The following BASP1 variants were observed in gnomAD, a reference collection of about 807,000 sequenced individuals.
The protein encoded by BASP1 is brain acid soluble protein 1.
A neutral mutation model predicts 2.2 loss-of-function variants in BASP1; 1 was observed. The observed-to-expected ratio is 0.46, with a 90% CI of 0.16 to 2.17. BASP1 has a LOEUF of 2.17. Ranked by LOEUF, BASP1 falls within the 30% of genes most tolerant of loss-of-function variation. BASP1 has a pLI of 0.27. For synonymous variants in BASP1, 187 were observed against 154.2 expected (o/e 1.21, Z -1.58); for missense variants, 352 against 327.2 (o/e 1.08, Z -0.58).
At chr5:17,256,496 GT>G (rs1335711201) in intron 1 of BASP1, among the ~76,000 whole-genome samples, 2 of 152,282 alleles carry the variant, frequency 1.3e-5, no homozygotes, top group East Asian at 1.9e-4. Flanking sequence ...ATAGAATCTA[GT>G]TGTGTGTATA....
intron 1 of BASP1, among the ~76,000 whole-genome samples, chr5:17,245,581 T>A (rs1385269430): frequency 6.6e-6 from 1 of 152,076 alleles, no homozygotes; most frequent in African/African-American, 2.4e-5. Context: ...CAATTTAATA[T>A]GAGATTAATG....
chr5:17,230,221 G>T (rs546563420), intron 1 of BASP1, among the ~76,000 whole-genome samples: 1 of 152,270 alleles, frequency 6.6e-6, no homozygotes, highest in Admixed American at 6.5e-5. Flanking sequence ...TTCTTTTAGG[G>T]ATTCATTAGA....
chr5:17,246,779 A>G (rs1445256375), intron 1 of BASP1, among the ~76,000 whole-genome samples: 1 of 152,192 alleles, frequency 6.6e-6, no homozygotes, highest in Non-Finnish European at 1.5e-5. Flanking sequence ...CCTTCTGTGG[A>G]AAGTCTTTTT....
chr5:17,251,269 T>C lies in BASP1; in HGVS notation c.-9-23939T>C, dbSNP rs1740097277. 6.6e-6 allele frequency among the ~76,000 whole-genome samples: 1 copy of C among 152,182 alleles called. No individual in the cohort carries two copies. The highest frequency in any genetic ancestry group is 6.5e-5 in the Admixed American group (1 of 15,272). ...TTTATCATTACACATTGTATACAAG[T>C]ATCAAAATATCACATGTACCCCCAA... On this transcript the variant is annotated intron_variant, in intron 1 of 1. Transcript: ENST00000322611. The surrounding 1 kb of genome is among the most constrained non-coding windows in gnomAD (Gnocchi z 4.0).
intron 1 of BASP1, among the ~76,000 whole-genome samples, chr5:17,246,770 C>T (rs1363940268): frequency 6.6e-6 from 1 of 152,194 alleles, no homozygotes; most frequent in Non-Finnish European, 1.5e-5. Flanking sequence ...TTTACAAATC[C>T]TTCTGTGGAA....
In BASP1 at chr5:17,276,190, A is replaced by T. The variant is rs1740658404; in HGVS notation, c.*290A>T. ...AGTCAACTTTACCAAGAAGTCCTGG[A>T]TTTCCAAGATCCGCGTCTGAAAGTG... On this transcript the variant is annotated 3_prime_UTR_variant, in exon 2 of 2. Transcript: ENST00000322611. The T allele has an allele frequency of 3.7e-6, 1 of 267,604 alleles. No homozygotes were observed. Among genetic ancestry groups the T allele is most frequent in the Non-Finnish European group, 7.5e-6 (1 of 134,210 alleles). 16.6% of individuals were successfully genotyped at this position (267,604 alleles called of 1,614,324 possible).
chr5:17,250,840 G>A (rs1450003367), intron 1 of BASP1, among the ~76,000 whole-genome samples: 2 of 152,162 alleles, frequency 1.3e-5, no homozygotes, highest in East Asian at 1.9e-4. Context: ...TACTGACCTC[G>A]TGATCCGCCC....
chr5:17,268,018 T>G (rs1740451739), intron 1 of BASP1, among the ~76,000 whole-genome samples: 2 of 152,124 alleles, frequency 1.3e-5, no homozygotes, highest in South Asian at 4.1e-4. Context: ...TAATACCACT[T>G]GTTTCTTTAT....
chr5:17,228,762 G>A (rs752627249), intron 1 of BASP1, among the ~76,000 whole-genome samples: 1 of 152,172 alleles, frequency 6.6e-6, no homozygotes, highest in African/African-American at 2.4e-5. Context: ...CTTTAGATCC[G>A]TAGTTCCTAC....
intron 1 of BASP1, among the ~76,000 whole-genome samples, chr5:17,239,959 A>G (rs1008356611): frequency 2.6e-5 from 4 of 152,032 alleles, no homozygotes; most frequent in Admixed American, 2.6e-4. Flanking sequence ...ACCCTATGCT[A>G]TGGTTTGAAT....
At chr5:17,248,674 C>T (rs979694767) in intron 1 of BASP1, among the ~76,000 whole-genome samples, 3 of 152,036 alleles carry the variant, frequency 2.0e-5, no homozygotes, top group African/African-American at 7.3e-5. Context: ...GAATGATGTC[C>T]CCTGTAGAAT....
At position 17,275,535 on chromosome 5, in the gene BASP1, G is replaced by A; in HGVS notation, c.319G>A (p.Glu107Lys). The A allele has an allele frequency of 7.0e-7, 1 of 1,421,384 alleles. No homozygotes were observed. The highest frequency in any genetic ancestry group is 9.2e-7 in the Non-Finnish European group (1 of 1,092,620). The allele number at this position is 1,421,384 out of a possible 1,614,324, so 88.0% of individuals were successfully genotyped here. A position where few individuals can be genotyped will look rare whatever the true frequency, so the allele number is the denominator to read the frequency against. Residue 107 changes from glutamate (E) to lysine (K), a missense_variant, in exon 2 of 2, where the codon GAG (glutamate) becomes AAG (lysine). By Grantham distance (56) the Glu-to-Lys change is moderately conservative. Coordinates refer to ENST00000322611, the MANE Select transcript of BASP1 (RefSeq NM_006317.5). The surrounding 1 kb of genome is among the most constrained non-coding windows in gnomAD (Gnocchi z 5.3). ...TGAGCCCCCGAAGGCGCCCGAGCAG[G>A]AGCAGGCGGCCCCCGGCCCCGCTGC... Reference protein sequence around the residue: ...KAEPPKAPEQEQAAPGPAAGG... With the variant: ...KAEPPKAPEQKQAAPGPAAGG...
intron 1 of BASP1, among the ~76,000 whole-genome samples, chr5:17,224,651 T>C (rs1739458785): frequency 6.6e-6 from 1 of 152,240 alleles, no homozygotes; most frequent in Non-Finnish European, 1.5e-5. Flanking sequence ...CTTCTTGTCA[T>C]AGTGAATGGA....
chr5:17,275,949 CTCT>C lies in BASP1; in HGVS notation c.*50_*52del. ...AATACCACTTAAAACAATCTCCTCT[CTCT>C]CTCTCTCTCTCTCTCTCTATCTCTC... On this transcript the variant is annotated 3_prime_UTR_variant, in exon 2 of 2. Transcript: ENST00000322611. The surrounding 1 kb of genome is among the most constrained non-coding windows in gnomAD (Gnocchi z 5.3). The C allele has an allele frequency of 9.3e-7, 1 of 1,079,318 alleles. No individual in the cohort carries two copies. The allele number at this position is 1,079,318 out of a possible 1,614,324, so 66.9% of individuals were successfully genotyped here. A position where few individuals can be genotyped will look rare whatever the true frequency, so the allele number is the denominator to read the frequency against.
In BASP1 at chr5:17,236,203, C is replaced by A. The variant is rs116678197; in HGVS notation, c.-10+18393C>A. On this transcript the variant is annotated intron_variant, in intron 1 of 1. Transcript: ENST00000322611. This position sits in a 1 kb window ranked among gnomAD's most constrained non-coding sequence, Gnocchi z 4.0. ...GAAAAGCAAAAATGATTTCTTATTACACGTATTTAAACCAGTATTTACATT... is the reference window on the plus strand; with the variant it reads ...GAAAAGCAAAAATGATTTCTTATTAAACGTATTTAAACCAGTATTTACATT... Among the ~76,000 whole-genome samples, 2,112 of 152,228 alleles carry A rather than the reference C, an allele frequency of 0.014. 41 individuals carry two copies. The highest frequency in any genetic ancestry group is 0.047 in the African/African-American group (1,969 of 41,526).
chr5:17,242,966 T>C (rs1391863408), intron 1 of BASP1, among the ~76,000 whole-genome samples: 1 of 152,110 alleles, frequency 6.6e-6, no homozygotes, highest in Admixed American at 6.5e-5. Flanking sequence ...AAAATGTTTT[T>C]TAAGTGTTGT....
At chr5:17,262,569 A>G (rs1479242628) in intron 1 of BASP1, among the ~76,000 whole-genome samples, 1 of 152,232 alleles carries the variant, frequency 6.6e-6, no homozygotes, top group African/African-American at 2.4e-5. Context: ...AAGTATCAAA[A>G]CAGTCTTATG....
chr5:17,254,334 C>G (rs889609077), intron 1 of BASP1, among the ~76,000 whole-genome samples: 1 of 152,178 alleles, frequency 6.6e-6, no homozygotes, highest in African/African-American at 2.4e-5. Flanking sequence ...AAGCTGCACT[C>G]ATGCATGGCA....
intron 1 of BASP1, among the ~76,000 whole-genome samples, chr5:17,247,467 T>C (rs1740018311): frequency 6.6e-6 from 1 of 152,238 alleles, no homozygotes; most frequent in Admixed American, 6.5e-5. Flanking sequence ...ATCAGTGTTA[T>C]TATGCCTTCA....
Sources: allele counts gnomAD v4.1 joint callset (sites outside exome capture counted in the v4.1 genomes callset), GRCh38; gene constraint gnomAD v4.1.1; non-coding constraint Gnocchi (gnomAD v3.1); transcripts MANE v1.5; gene names NCBI Gene and HGNC (gene_info 2026-07-23, HGNC 2026-07-21).